The following TRMT11 variants were observed in gnomAD, a reference collection of about 807,000 sequenced individuals.
TRMT11 encodes tRNA methyltransferase 11.
TRMT11 carries 53 observed loss-of-function variants against 62.8 expected under a neutral mutation model. The ratio of observed to expected loss-of-function variants is 0.84; its 90% CI spans 0.68 to 1.06. The LOEUF is 1.06. Among genes scored for constraint, TRMT11 ranks in the 50% least tolerant of loss-of-function variants. TRMT11 has a pLI of 0.00. For missense variants in TRMT11, 556 were observed against 553.4 expected (o/e 1.00, Z -0.05); for synonymous variants, 188 against 190.3 (o/e 0.99, Z 0.10).
At chr6:126,037,503 T>C (rs1375627080) in intron 12 of TRMT11, among the ~76,000 whole-genome samples, 2 of 152,116 alleles carry the variant, frequency 1.3e-5, no homozygotes. Context: ...TGTTTTCATG[T>C]GTTTGCAGGA....
intron 12 of TRMT11, among the ~76,000 whole-genome samples, chr6:126,033,437 A>G (rs771738640): frequency 6.6e-6 from 1 of 152,128 alleles, no homozygotes; most frequent in Non-Finnish European, 1.5e-5. Context: ...TGTATTTTTG[A>G]TATATAGTTG....
At chr6:126,032,183 AT>A (rs1390614720) in intron 12 of TRMT11, among the ~76,000 whole-genome samples, 2 of 152,060 alleles carry the variant, frequency 1.3e-5, no homozygotes, top group African/African-American at 4.8e-5. Context: ...TCTTCTACTG[AT>A]TTCTCTGCTT....
At chr6:126,240,472 C>T in the TRMT11 span, among the ~76,000 whole-genome samples, 5 of 152,202 alleles carry the variant, frequency 3.3e-5, no homozygotes, top group African/African-American at 9.7e-5. Context: ...GCTGGAGGTC[C>T]ACTCCAGACC....
chr6:126,087,357 A>G (rs184015736), intron 17 of TRMT11, among the ~76,000 whole-genome samples: 1 of 152,324 alleles, frequency 6.6e-6, no homozygotes, highest in East Asian at 1.9e-4. Context: ...CAAGATTAAA[A>G]CCTACTTTAA....
intron 1 of TRMT11, among the ~76,000 whole-genome samples, chr6:126,194,289 C>T (rs780126898): frequency 2.0e-5 from 3 of 152,090 alleles, no homozygotes; most frequent in Non-Finnish European, 4.4e-5. Flanking sequence ...CCTATCTCTC[C>T]CTTTAGATCT....
intron 17 of TRMT11, among the ~76,000 whole-genome samples, chr6:126,099,955 G>T (rs904407090): frequency 5.3e-5 from 8 of 152,046 alleles, no homozygotes; most frequent in African/African-American, 1.9e-4. Context: ...GACTTCAGAG[G>T]GGCCTGGCTG....
chr6:126,257,327 C>T, the TRMT11 span, among the ~76,000 whole-genome samples: 1 of 152,074 alleles, frequency 6.6e-6, no homozygotes, highest in African/African-American at 2.4e-5. Context: ...ATTAAACCAT[C>T]CTTGCATCCA....
chr6:126,042,012 C>CA (rs796077776), downstream of TRMT11, among the ~76,000 whole-genome samples: 67 of 151,758 alleles, frequency 4.4e-4, no homozygotes, highest in African/African-American at 1.5e-3. Flanking sequence ...GTAATCCAAA[C>CA]AAAAAAAAGT....
chr6:126,027,448 T>TA (rs1773394070), intron 12 of TRMT11, among the ~76,000 whole-genome samples: 1 of 152,146 alleles, frequency 6.6e-6, no homozygotes, highest in Admixed American at 6.5e-5. Flanking sequence ...TGATTAAAAA[T>TA]AAAAAATTAT....
chr6:126,079,594 GA>G (rs1283184242), intron 17 of TRMT11, among the ~76,000 whole-genome samples: 1 of 152,130 alleles, frequency 6.6e-6, no homozygotes, highest in East Asian at 1.9e-4. Flanking sequence ...GGCAAGGGCT[GA>G]AAAACTACCT....
intron 17 of TRMT11, among the ~76,000 whole-genome samples, chr6:126,087,358 C>T (rs1364817658): frequency 6.6e-6 from 1 of 152,102 alleles, no homozygotes; most frequent in Non-Finnish European, 1.5e-5. Context: ...AAGATTAAAA[C>T]CTACTTTAAA....
intron 21 of TRMT11, among the ~76,000 whole-genome samples, chr6:126,146,337 G>A (rs1777974271): frequency 6.6e-6 from 1 of 152,136 alleles, no homozygotes; most frequent in Admixed American, 6.6e-5. Flanking sequence ...GACATGTTTT[G>A]TGTGACACTC....
At chr6:126,200,493 C>T (rs973488294) in intron 3 of TRMT11, among the ~76,000 whole-genome samples, 8 of 152,148 alleles carry the variant, frequency 5.3e-5, no homozygotes, top group Admixed American at 3.9e-4. Flanking sequence ...TGCTAAGCAA[C>T]GTGTGATAAA....
chr6:126,264,112 C>T, the TRMT11 span, among the ~76,000 whole-genome samples: 1 of 151,936 alleles, frequency 6.6e-6, no homozygotes, highest in Non-Finnish European at 1.5e-5. Context: ...TTTTAGGCAC[C>T]AAACCAAATG....
chr6:126,092,951 A>G (rs1777294063), intron 17 of TRMT11, among the ~76,000 whole-genome samples: 1 of 152,208 alleles, frequency 6.6e-6, no homozygotes, highest in African/African-American at 2.4e-5. Flanking sequence ...AAGAATTCTT[A>G]GCTTATTTCA....
At chr6:126,103,376 G>A (rs78343054) in intron 17 of TRMT11, among the ~76,000 whole-genome samples, 221 of 152,302 alleles carry the variant, frequency 1.5e-3, no homozygotes, top group African/African-American at 5.1e-3. Context: ...TTGAGTTAAA[G>A]TTGTATAGGT....
chr6:126,148,803 A>G (rs1778004678), intron 21 of TRMT11, among the ~76,000 whole-genome samples: 1 of 152,210 alleles, frequency 6.6e-6, no homozygotes, highest in Non-Finnish European at 1.5e-5. Context: ...TCTTAACATT[A>G]TTAATGTATG....
chr6:126,249,702 G>A, the TRMT11 span, among the ~76,000 whole-genome samples: 1 of 152,020 alleles, frequency 6.6e-6, no homozygotes, highest in Admixed American at 6.5e-5. Context: ...GTGGGGATAG[G>A]GAGGCGAAAA....
At chr6:126,129,485 A>G (rs1012321640) in intron 21 of TRMT11, among the ~76,000 whole-genome samples, 13 of 152,038 alleles carry the variant, frequency 8.6e-5, no homozygotes, top group African/African-American at 3.1e-4. Flanking sequence ...TTTACCGACT[A>G]TGGGTTTTCA....
Sources: gnomAD v4.1 joint callset for allele counts (sites outside exome capture counted in the v4.1 genomes callset) on GRCh38, gnomAD v4.1.1 for gene constraint, MANE v1.5 for transcripts, NCBI Gene and HGNC (gene_info 2026-07-23, HGNC 2026-07-21) for gene names.